The following MYO1D variants were observed in gnomAD, a reference collection of about 807,000 sequenced individuals.
MYO1D encodes the protein myosin ID, also known as unconventional myosin-Id.
In MYO1D, 83 loss-of-function variants were observed where a neutral mutation model predicts 122.0. The observed-to-expected ratio is 0.68, with a 90% CI of 0.57 to 0.82. MYO1D has a LOEUF of 0.82. Among genes scored for constraint, MYO1D ranks in the 40% least tolerant of loss-of-function variants. MYO1D has a pLI of 0.00. For missense variants in MYO1D, 1,157 were observed against 1,269.5 expected (o/e 0.91, Z 1.35); for synonymous variants, 464 against 446.9 (o/e 1.04, Z -0.48).
intron 1 of MYO1D, among the ~76,000 whole-genome samples, chr17:32,834,197 A>G (rs2090800052): frequency 6.6e-6 from 1 of 152,254 alleles, no homozygotes; most frequent in Non-Finnish European, 1.5e-5. Flanking sequence ...AATATTAATT[A>G]AGTACAACAG....
At chr17:32,871,654 T>C (rs1458841142) in intron 1 of MYO1D, among the ~76,000 whole-genome samples, 1 of 152,244 alleles carries the variant, frequency 6.6e-6, no homozygotes, top group Non-Finnish European at 1.5e-5. Context: ...TATATTTCAT[T>C]GTCCTATAAA....
At chr17:32,844,639 T>C (rs2090918707) in intron 1 of MYO1D, among the ~76,000 whole-genome samples, 2 of 151,734 alleles carry the variant, frequency 1.3e-5, no homozygotes, top group Admixed American at 6.6e-5. Context: ...GCAGGAGGAT[T>C]GGTTGAGCCC....
chr17:32,800,027 A>G (rs1682294282), intron 1 of MYO1D, among the ~76,000 whole-genome samples: 1 of 152,228 alleles, frequency 6.6e-6, no homozygotes, highest in Admixed American at 6.5e-5. Context: ...ATTATCAAAA[A>G]AATGAGATAA....
chr17:32,723,431 A>G (rs1354926280), intron 14 of MYO1D, among the ~76,000 whole-genome samples: 2 of 152,194 alleles, frequency 1.3e-5, no homozygotes, highest in Admixed American at 6.5e-5. Flanking sequence ...AGAGGCCACT[A>G]TTCTGCCTAG....
intron 16 of MYO1D, among the ~76,000 whole-genome samples, chr17:32,665,462 C>A (rs995758263): frequency 3.9e-5 from 6 of 152,188 alleles, no homozygotes; most frequent in Non-Finnish European, 8.8e-5. Context: ...TATTCTACTT[C>A]ATCTTCCAAG....
intron 4 of MYO1D, among the ~76,000 whole-genome samples, chr17:32,774,311 C>A (rs1018818741): frequency 1.3e-5 from 2 of 152,206 alleles, no homozygotes; most frequent in African/African-American, 4.8e-5. Flanking sequence ...GTTTCCCCTG[C>A]AATTCTTTGA....
At chr17:32,550,954 C>T (rs1002935337) in intron 21 of MYO1D, among the ~76,000 whole-genome samples, 2 of 126,880 alleles carry the variant, frequency 1.6e-5, no homozygotes, top group African/African-American at 3.4e-5. Context: ...CAGCCCTAGG[C>T]AACAGAGTGT....
chr17:32,719,008 T>A (rs745737099), intron 15 of MYO1D, among the ~76,000 whole-genome samples: 8 of 152,242 alleles, frequency 5.3e-5, no homozygotes, highest in African/African-American at 1.9e-4. Context: ...AAAGTGAACA[T>A]AGAGATGTGT....
At chr17:32,613,223 G>A (rs1567909965) in intron 20 of MYO1D, among the ~76,000 whole-genome samples, 1 of 151,820 alleles carries the variant, frequency 6.6e-6, no homozygotes. Flanking sequence ...TATGTTATAG[G>A]CCCAGGTAAT....
At chr17:32,625,297 G>A (rs1298645698) in intron 20 of MYO1D, among the ~76,000 whole-genome samples, 1 of 151,874 alleles carries the variant, frequency 6.6e-6, no homozygotes, top group Non-Finnish European at 1.5e-5. Context: ...GAGAGAGAGA[G>A]AGCAACTTTG....
intron 16 of MYO1D, among the ~76,000 whole-genome samples, chr17:32,678,254 C>T (rs1051648939): frequency 9.4e-5 from 14 of 149,244 alleles, no homozygotes; most frequent in African/African-American, 2.7e-4. Flanking sequence ...AAATATATTT[C>T]TTTTTTTTTT....
At chr17:32,817,963 A>G (rs1036486129) in intron 1 of MYO1D, among the ~76,000 whole-genome samples, 26 of 149,780 alleles carry the variant, frequency 1.7e-4, no homozygotes, top group Admixed American at 8.0e-4. Context: ...CGTCTCTACT[A>G]AAAATACAAA....
intron 20 of MYO1D, among the ~76,000 whole-genome samples, chr17:32,624,399 G>T (rs1438091510): frequency 6.6e-6 from 1 of 151,928 alleles, no homozygotes; most frequent in African/African-American, 2.4e-5. Context: ...TACCAGCAGA[G>T]ATTTGATTTC....
At position 32,775,994 on chromosome 17, in the gene MYO1D, A is replaced by G. The variant is rs1480066331; in HGVS notation, c.434T>C (p.Leu145Ser). 5.6e-6 allele frequency: 9 copies of G among 1,613,860 alleles called. No homozygotes were observed. The highest frequency in any genetic ancestry group is 7.6e-6 in the Non-Finnish European group (9 of 1,179,920). ...GGTTTTGGCATTTCCAAAAGCTTCC[A>G]AAACACAGTTGGACTTAAGCAACAT... ...KNMLLKSNCV[L>S]EAFGNAKTNR... Residue 145 changes from leucine to serine, a missense_variant, in exon 4 of 22, where the codon TTG (leucine) becomes TCG (serine). Physicochemically the swap from Leu to Ser is moderately radical, Grantham distance 145 (BLOSUM62 -2). Transcript: ENST00000318217.
chr17:32,547,965 T>A (rs1255156878), intron 21 of MYO1D, among the ~76,000 whole-genome samples: 2 of 149,646 alleles, frequency 1.3e-5, no homozygotes, highest in African/African-American at 2.5e-5. Context: ...AAAAAAAAAA[T>A]TCACTACGGA....
chr17:32,530,523 T>A (rs1290262191), intron 21 of MYO1D, among the ~76,000 whole-genome samples: 1 of 152,190 alleles, frequency 6.6e-6, no homozygotes, highest in African/African-American at 2.4e-5. Context: ...AAGAAAGGCT[T>A]AGTGCAGTAG....
chr17:32,823,551 C>G (rs1475690293), intron 1 of MYO1D, among the ~76,000 whole-genome samples: 1 of 152,064 alleles, frequency 6.6e-6, no homozygotes, highest in African/African-American at 2.4e-5. Context: ...GGTAAGCCCA[C>G]AGGTTGGTCA....
intron 3 of MYO1D, among the ~76,000 whole-genome samples, chr17:32,776,688 C>T (rs2090174932): frequency 6.6e-6 from 1 of 152,142 alleles, no homozygotes; most frequent in African/African-American, 2.4e-5. Context: ...CTTAGTTATA[C>T]ATCATAAATT....
At chr17:32,516,619 C>T (rs928669111) in intron 21 of MYO1D, among the ~76,000 whole-genome samples, 5 of 152,226 alleles carry the variant, frequency 3.3e-5, no homozygotes, top group Non-Finnish European at 7.3e-5. Context: ...GAAGTGTCTC[C>T]ACATGGCTTC....
Sources: allele counts gnomAD v4.1 joint callset (sites outside exome capture counted in the v4.1 genomes callset), GRCh38; gene constraint gnomAD v4.1.1; transcripts MANE v1.5; gene names NCBI Gene and HGNC (gene_info 2026-07-23, HGNC 2026-07-21).